The following VEGFC variants were observed in gnomAD, a reference collection of about 807,000 sequenced individuals.
VEGFC encodes the protein vascular endothelial growth factor C.
A neutral mutation model predicts 46.1 loss-of-function variants in VEGFC; 12 were observed. The ratio of observed to expected loss-of-function variants is 0.26; its 90% CI spans 0.17 to 0.42. The LOEUF (loss-of-function observed/expected upper bound fraction) is 0.42. Among genes scored for constraint, VEGFC ranks in the 10% least tolerant of loss-of-function variants. The probability of loss-of-function intolerance (pLI) is 1.00; values close to 1 mark genes in which losing one functional copy is unlikely to be tolerated. For synonymous variants in VEGFC, 232 were observed against 195.5 expected (o/e 1.19, Z -1.56); for missense variants, 488 against 529.4 (o/e 0.92, Z 0.77).
chr4:176,684,165 T>C (rs1272653714), intron 6 of VEGFC, 125 bp from the exon 7 acceptor site: 4 of 721,298 alleles, frequency 5.5e-6, no homozygotes, highest in Non-Finnish European at 9.3e-6. Flanking sequence ...ATGACGAAAT[T>C]GTTCATAGGT....
chr4:176,742,658 T>C (rs151293083), intron 1 of VEGFC, among the ~76,000 whole-genome samples: 2,411 of 152,164 alleles, frequency 0.016, 31 homozygotes, highest in Middle Eastern at 0.024. Flanking sequence ...TCATAATAAC[T>C]CTCTTGAAGG....
intron 3 of VEGFC, among the ~76,000 whole-genome samples, chr4:176,721,813 GGT>G (rs1734792341): frequency 6.6e-6 from 1 of 152,090 alleles, no homozygotes; most frequent in Non-Finnish European, 1.5e-5. Context: ...CAAGTCACAA[GGT>G]TGAGTGGACA....
At chr4:176,701,747 G>A (rs552847093) in intron 4 of VEGFC, among the ~76,000 whole-genome samples, 5 of 152,068 alleles carry the variant, frequency 3.3e-5, no homozygotes, top group Non-Finnish European at 5.9e-5. Context: ...AAAAATAACC[G>A]TATATGGACA....
At chr4:176,773,456 C>A (rs1735755631) in intron 1 of VEGFC, among the ~76,000 whole-genome samples, 1 of 152,116 alleles carries the variant, frequency 6.6e-6, no homozygotes, top group African/African-American at 2.4e-5. Flanking sequence ...TTAGTGAAAT[C>A]ACCAGAGAAT....
chr4:176,687,222 C>A lies in VEGFC; in HGVS notation c.1110G>T (p.Leu370Phe), dbSNP rs1260167158. 8 of 1,613,212 alleles carry A rather than the reference C, an allele frequency of 5.0e-6. No homozygotes were observed. Residue 370 changes from leucine (L) to phenylalanine (F), a missense_variant, in exon 6 of 7, where the codon TTG (leucine) becomes TTT (phenylalanine). Transcript: ENST00000618562. Reference sequence around the variant, plus strand: ...GGTGGTGGAACTTCTTTCCTTTTAACAAGCATTTCTGTGGACTTTCTGTAC... The same window carrying A: ...GGTGGTGGAACTTCTTTCCTTTTAAAAAGCATTTCTGTGGACTTTCTGTAC... ...CECTESPQKCLLKGKKFHHQT... is the reference protein window; with the variant it reads ...CECTESPQKCFLKGKKFHHQT...
At chr4:176,760,194 T>C (rs1397030447) in intron 1 of VEGFC, among the ~76,000 whole-genome samples, 2 of 152,132 alleles carry the variant, frequency 1.3e-5, no homozygotes, top group African/African-American at 4.8e-5. Context: ...GAGCAAAGAA[T>C]GGTAAGTTTT....
intron 4 of VEGFC, among the ~76,000 whole-genome samples, chr4:176,700,707 G>C (rs1734414906): frequency 6.6e-6 from 1 of 152,110 alleles, no homozygotes. Context: ...GTATTGGCAG[G>C]TTGAAACAAT....
chr4:176,791,053 T>C (rs1302825761), intron 1 of VEGFC, among the ~76,000 whole-genome samples: 1 of 152,190 alleles, frequency 6.6e-6, no homozygotes, highest in East Asian at 1.9e-4. Flanking sequence ...GTCTTCTCAA[T>C]CTTTAAGTGT....
intron 1 of VEGFC, among the ~76,000 whole-genome samples, chr4:176,761,471 T>C (rs940284553): frequency 6.6e-6 from 1 of 152,150 alleles, no homozygotes; most frequent in East Asian, 1.9e-4. Flanking sequence ...TTACAGGAAT[T>C]TGGAATGTTG....
intron 4 of VEGFC, among the ~76,000 whole-genome samples, chr4:176,705,700 T>TTGC (rs1325181370): frequency 1.3e-5 from 2 of 152,176 alleles, no homozygotes; most frequent in African/African-American, 4.8e-5. Flanking sequence ...TTAACATGGA[T>TTGC]TGCTGGTTAT....
rs140856979 is a variant in VEGFC, at chr4:176,755,427, A to C, written c.148-25681T>G. On this transcript the variant is annotated intron_variant, in intron 1 of 6. Transcript: ENST00000618562. Reference sequence around the variant, plus strand: ...AGGATAAGTCTGAGTTGTGTGTTCTACACTGTTTCATAGAGTCCCCTGTAG... The same window carrying C: ...AGGATAAGTCTGAGTTGTGTGTTCTCCACTGTTTCATAGAGTCCCCTGTAG... Among the ~76,000 whole-genome samples the C allele has an allele frequency of 3.3e-3, 498 of 152,096 alleles. 5 individuals carry two copies. The highest frequency in any genetic ancestry group is 7.7e-3 in the Admixed American group (118 of 15,242).
intron 1 of VEGFC, among the ~76,000 whole-genome samples, chr4:176,773,058 T>C (rs892581447): frequency 2.0e-5 from 3 of 152,140 alleles, no homozygotes; most frequent in African/African-American, 4.8e-5. Context: ...ATGGCAAAAA[T>C]GCACTTCTAC....
chr4:176,727,137 G>A (rs559254683), intron 3 of VEGFC, among the ~76,000 whole-genome samples: 3 of 152,236 alleles, frequency 2.0e-5, no homozygotes, highest in Admixed American at 2.0e-4. Flanking sequence ...CCACAAAGCG[G>A]GTTTATGTGT....
intron 1 of VEGFC, among the ~76,000 whole-genome samples, chr4:176,784,343 T>A (rs1735964915): frequency 6.6e-6 from 1 of 152,060 alleles, no homozygotes; most frequent in Non-Finnish European, 1.5e-5. Flanking sequence ...GTGCTGGGAT[T>A]ACAGACGTGA....
At chr4:176,717,760 C>A (rs983745050) in intron 3 of VEGFC, among the ~76,000 whole-genome samples, 4 of 151,704 alleles carry the variant, frequency 2.6e-5, no homozygotes, top group African/African-American at 7.3e-5. Flanking sequence ...ATATATGTAC[C>A]CCCAGAAGAA....
intron 6 of VEGFC, among the ~76,000 whole-genome samples, chr4:176,685,958 C>T (rs1274504048): frequency 2.0e-5 from 3 of 151,912 alleles, no homozygotes; most frequent in African/African-American, 4.8e-5. Context: ...AAGATGAACT[C>T]GTTATATACT....
intron 4 of VEGFC, among the ~76,000 whole-genome samples, chr4:176,704,736 G>A (rs1277236883): frequency 6.6e-6 from 1 of 152,062 alleles, no homozygotes; most frequent in African/African-American, 2.4e-5. Flanking sequence ...CCACATCTCT[G>A]CATATATACT....
At chr4:176,743,974 C>A (rs995040494) in intron 1 of VEGFC, among the ~76,000 whole-genome samples, 1 of 151,858 alleles carries the variant, frequency 6.6e-6, no homozygotes, top group African/African-American at 2.4e-5. Flanking sequence ...CAAAAGGGAA[C>A]AATAGCCACA....
chr4:176,696,744 G>A (rs904672091), intron 4 of VEGFC, among the ~76,000 whole-genome samples: 1 of 152,046 alleles, frequency 6.6e-6, no homozygotes, highest in Non-Finnish European at 1.5e-5. Context: ...ATACCACAAG[G>A]CTACAGTAAC....
Sources: gnomAD v4.1 joint callset for allele counts (sites outside exome capture counted in the v4.1 genomes callset) on GRCh38, gnomAD v4.1.1 for gene constraint, MANE v1.5 for transcripts, NCBI Gene and HGNC (gene_info 2026-07-23, HGNC 2026-07-21) for gene names.